The following MYO3A variants were observed in gnomAD, a reference collection of about 807,000 sequenced individuals.
MYO3A encodes the protein myosin-IIIa.
A neutral mutation model predicts 192.7 loss-of-function variants in MYO3A; 180 were observed. That is an observed-to-expected ratio of 0.93 (90% CI 0.83 to 1.06). The LOEUF (loss-of-function observed/expected upper bound fraction) is 1.06, where lower values mean the gene tolerates loss of function less well. Ranked by LOEUF, MYO3A falls within the 50% of genes least tolerant of loss-of-function variation. MYO3A has a pLI of 0.00. For synonymous variants in MYO3A, 628 were observed against 645.3 expected, an observed-to-expected ratio of 0.97 and a Z score of 0.41; for missense variants, 1,896 against 1,905.0, an observed-to-expected ratio of 1.00 and a Z score of 0.09.
intron 28 of MYO3A, among the ~76,000 whole-genome samples, 159 bp downstream of exon 28, chr10:26,169,033 A>G (rs886363936): frequency 4.6e-5 from 7 of 152,170 alleles, no homozygotes; most frequent in African/African-American, 1.7e-4. Flanking sequence ...TGTTTTAGTG[A>G]TTGACACTTT....
intron 17 of MYO3A, among the ~76,000 whole-genome samples, chr10:26,118,382 A>G (rs1202627815): frequency 1.3e-5 from 2 of 151,486 alleles, no homozygotes; most frequent in African/African-American, 4.8e-5. Flanking sequence ...CAGCATATGT[A>G]TTGTTACACT....
At chr10:26,059,198 C>A (rs1834313855) in intron 10 of MYO3A, among the ~76,000 whole-genome samples, 1 of 114,838 alleles carries the variant, frequency 8.7e-6, no homozygotes. Context: ...GGTCTTATTG[C>A]ATTAGCTATG....
chr10:26,183,137 A>T (rs1462333096), intron 31 of MYO3A, among the ~76,000 whole-genome samples: 14 of 152,154 alleles, frequency 9.2e-5, no homozygotes, highest in Admixed American at 3.9e-4. Flanking sequence ...CTCACCCCCC[A>T]CACAGGCTGC....
chr10:26,101,627 A>G lies in MYO3A; in HGVS notation c.1776+4945A>G, dbSNP rs549791936. On this transcript the variant is annotated intron_variant, in intron 17 of 34. Transcript: ENST00000642920. The stretch of plus-strand genomic sequence containing the variant: ...AATCTCTCAGCATTTGCTTGTCTGT[A>G]AAGGATTTTCTTTCTCCTTCACTTA... Among the ~76,000 whole-genome samples the G allele has an allele frequency of 4.6e-5, 7 of 152,292 alleles. No individual in the cohort carries two copies. In the South Asian group the frequency reaches 1.2e-3, roughly 27 times the overall value.
At chr10:26,120,131 T>G (rs1298329569) in intron 17 of MYO3A, among the ~76,000 whole-genome samples, 1 of 151,874 alleles carries the variant, frequency 6.6e-6, no homozygotes, top group Non-Finnish European at 1.5e-5. Context: ...GCCACTGCAC[T>G]CCATCCTGGG....
chr10:26,178,291 G>A (rs568535837), intron 31 of MYO3A, among the ~76,000 whole-genome samples: 2 of 152,210 alleles, frequency 1.3e-5, no homozygotes, highest in South Asian at 4.2e-4. Flanking sequence ...CAGCGTCCTG[G>A]GAGGAAGTAG....
At chr10:26,059,425 C>T (rs1459014922) in intron 10 of MYO3A, among the ~76,000 whole-genome samples, 2 of 152,166 alleles carry the variant, frequency 1.3e-5, no homozygotes, top group African/African-American at 4.8e-5. Flanking sequence ...GCTTTCTCTG[C>T]ATCTATTGAT....
chr10:26,137,485 T>TTG lies in MYO3A; in HGVS notation c.2263-5959_2263-5958dup, dbSNP rs200700412. On this transcript the variant is annotated intron_variant, in intron 20 of 34. Transcript: ENST00000642920. ...TGTCACCTCAGGACCACTGTAATAA[T>TTG]TGTGTTGACTGTACAAATTGATTGT... is the stretch of plus-strand genomic sequence containing the variant. Among the ~76,000 whole-genome samples the TTG allele has an allele frequency of 8.6e-3, 1,314 of 152,326 alleles. 15 individuals are homozygous for TTG. Among genetic ancestry groups the TTG allele is most frequent in the African/African-American group, 0.029 (1,196 of 41,570 alleles).
At chr10:26,042,731 C>G (rs536478692) in intron 10 of MYO3A, among the ~76,000 whole-genome samples, 1 of 152,280 alleles carries the variant, frequency 6.6e-6, no homozygotes, top group East Asian at 1.9e-4. Flanking sequence ...TCTTGAATTT[C>G]TTTGAGTTTC....
chr10:26,183,351 G>A (rs542540451), intron 31 of MYO3A, among the ~76,000 whole-genome samples: 45 of 152,136 alleles, frequency 3.0e-4, no homozygotes, highest in Admixed American at 1.3e-3. Flanking sequence ...GGTGAAACCC[G>A]TCTCTACTAA....
At chr10:26,194,560 C>T (rs1411020745) in intron 32 of MYO3A, among the ~76,000 whole-genome samples, 1 of 152,178 alleles carries the variant, frequency 6.6e-6, no homozygotes, top group Non-Finnish European at 1.5e-5. Context: ...TGTGTTGAAA[C>T]CCAGAGAATC....
chr10:26,037,370 C>CA (rs1843093819), intron 10 of MYO3A, among the ~76,000 whole-genome samples: 1 of 152,122 alleles, frequency 6.6e-6, no homozygotes, highest in Non-Finnish European at 1.5e-5. Context: ...ATATGTTCAA[C>CA]AGACACAATA....
At chr10:26,205,770 T>C (rs1376375149) in intron 34 of MYO3A, among the ~76,000 whole-genome samples, 3 of 151,268 alleles carry the variant, frequency 2.0e-5, no homozygotes, top group Non-Finnish European at 4.4e-5. Context: ...GCACCCGCCA[T>C]CACTCCCGGC....
chr10:26,150,424 T>G (rs775541656), intron 23 of MYO3A, among the ~76,000 whole-genome samples: 20 of 152,216 alleles, frequency 1.3e-4, no homozygotes, highest in South Asian at 4.1e-4. Flanking sequence ...CTAAGTTGCT[T>G]TGTAGAATTC....
intron 6 of MYO3A, among the ~76,000 whole-genome samples, chr10:26,009,479 G>A (rs10828930): frequency 2.6e-5 from 4 of 152,196 alleles, no homozygotes; most frequent in African/African-American, 7.2e-5. Flanking sequence ...GGACAGGTAA[G>A]TGAAAGGCAA....
chr10:26,107,341 C>T (rs906005661), intron 17 of MYO3A, among the ~76,000 whole-genome samples: 2 of 151,826 alleles, frequency 1.3e-5, no homozygotes, highest in Non-Finnish European at 2.9e-5. Context: ...ATTAGCCAGG[C>T]GTGGTGGCAG....
chr10:25,951,203 T>C (rs777658711), intron 2 of MYO3A, among the ~76,000 whole-genome samples: 3 of 152,176 alleles, frequency 2.0e-5, no homozygotes, highest in Non-Finnish European at 4.4e-5. Context: ...AGGATAGTGA[T>C]ATTATTGATA....
chr10:26,068,677 C>T (rs1000689966), intron 11 of MYO3A, 91 bp from the exon 12 acceptor site: 21 of 830,344 alleles, frequency 2.5e-5, no homozygotes, highest in Non-Finnish European at 3.6e-5. Flanking sequence ...CGTCCAGATT[C>T]CAGATGTTCT....
At chr10:26,056,795 C>T (rs1834136521) in intron 10 of MYO3A, among the ~76,000 whole-genome samples, 1 of 152,206 alleles carries the variant, frequency 6.6e-6, no homozygotes, top group Non-Finnish European at 1.5e-5. Context: ...CACCAGAAAT[C>T]TCCATCTTTT....
Sources: gnomAD v4.1 joint callset for allele counts (sites outside exome capture counted in the v4.1 genomes callset) on GRCh38, gnomAD v4.1.1 for gene constraint, MANE v1.5 for transcripts, NCBI Gene and HGNC (gene_info 2026-07-23, HGNC 2026-07-21) for gene names.